CGNL1: variants seen among roughly 807,000 people sequenced by gnomAD.
The protein encoded by CGNL1 is cingulin-like protein 1.
Under a neutral mutation model 141.2 loss-of-function variants are expected in CGNL1, and 132 were observed. The observed-to-expected ratio is 0.93, with a 90% CI of 0.81 to 1.08. The LOEUF (loss-of-function observed/expected upper bound fraction) is 1.08, where lower values mean the gene tolerates loss of function less well. Among genes scored for constraint, CGNL1 ranks in the 50% least tolerant of loss-of-function variants. CGNL1 has a pLI of 0.00. For missense variants in CGNL1, 1,870 were observed against 1,588.6 expected (o/e 1.18, Z -3.01); for synonymous variants, 690 against 622.1 (o/e 1.11, Z -1.63).
intron 1 of CGNL1, among the ~76,000 whole-genome samples, chr15:57,434,937 C>T (rs1271448732): frequency 6.6e-6 from 1 of 151,924 alleles, no homozygotes; most frequent in African/African-American, 2.4e-5. Flanking sequence ...ACATGAAACC[C>T]AGAAAATAAT....
rs139527247 is a variant in CGNL1, at chr15:57,518,391, A to G, written c.2611-2A>G. The G allele has an allele frequency of 1.9e-6, 3 of 1,609,898 alleles. No individual in the cohort carries two copies. Among genetic ancestry groups the G allele is most frequent in the Non-Finnish European group, 1.7e-6 (2 of 1,176,860 alleles). Reference sequence around the variant, plus strand: ...GCACACTGACCCAGTGTTTCATTGTAGGGAGAAATACGACAGTTAGAGGAG... The same window carrying G: ...GCACACTGACCCAGTGTTTCATTGTGGGGAGAAATACGACAGTTAGAGGAG... On this transcript the variant is annotated splice_acceptor_variant, in intron 9 of 18. Coordinates refer to ENST00000281282, the MANE Select transcript of CGNL1 (RefSeq NM_032866.5). LOFTEE classifies it high-confidence loss of function.
chr15:57,483,307 A>G (rs1207354028), intron 8 of CGNL1, among the ~76,000 whole-genome samples: 2 of 152,218 alleles, frequency 1.3e-5, no homozygotes, highest in African/African-American at 4.8e-5. Context: ...CTAAGGGTTT[A>G]ATGTTTTTGA....
intron 8 of CGNL1, among the ~76,000 whole-genome samples, chr15:57,496,455 A>G (rs76501864): frequency 0.13 from 19,722 of 152,124 alleles, 1,608 homozygotes; most frequent in Admixed American, 0.2. Context: ...GAGAATCTGT[A>G]GTAACTAATG....
At chr15:57,509,475 G>C (rs2030033977) in intron 8 of CGNL1, among the ~76,000 whole-genome samples, 2 of 152,238 alleles carry the variant, frequency 1.3e-5, no homozygotes, top group Non-Finnish European at 2.9e-5. Context: ...TTGTCCATCA[G>C]GAGCGAGCCT....
chr15:57,457,429 T>A (rs1185556459), intron 7 of CGNL1, among the ~76,000 whole-genome samples: 3 of 152,214 alleles, frequency 2.0e-5, no homozygotes, highest in Non-Finnish European at 4.4e-5. Flanking sequence ...TGGTTGCTTT[T>A]CTTTGCTTTA....
chr15:57,442,998 A>G (rs1190071182), intron 4 of CGNL1, among the ~76,000 whole-genome samples: 4 of 152,210 alleles, frequency 2.6e-5, no homozygotes, highest in Non-Finnish European at 4.4e-5. Flanking sequence ...ATACAAACAG[A>G]TGGCGAGATT....
chr15:57,415,797 G>C (rs1255012251), intron 1 of CGNL1, among the ~76,000 whole-genome samples: 1 of 152,210 alleles, frequency 6.6e-6, no homozygotes, highest in Admixed American at 6.5e-5. Context: ...AGCTGATGAT[G>C]CCTTTCAGAA....
chr15:57,420,497 C>T (rs1003249606), intron 1 of CGNL1, among the ~76,000 whole-genome samples: 2 of 152,210 alleles, frequency 1.3e-5, no homozygotes, highest in Non-Finnish European at 2.9e-5. Flanking sequence ...CAGCAGTAAG[C>T]AGACTCCCAC....
At chr15:57,534,995 C>CA (rs56143972) in intron 14 of CGNL1, among the ~76,000 whole-genome samples, 22,694 of 152,126 alleles carry the variant, frequency 0.15, 2,100 homozygotes, top group East Asian at 0.45. Context: ...GAATAAGCCA[C>CA]AAAAAAGGTT....
intron 8 of CGNL1, among the ~76,000 whole-genome samples, chr15:57,512,381 A>G (rs1171339727): frequency 1.3e-5 from 2 of 152,186 alleles, no homozygotes; most frequent in Admixed American, 6.5e-5. Flanking sequence ...TGAGCTGGCC[A>G]TGTGGGGGTG....
chr15:57,381,903 C>G (rs2062429312), intron 1 of CGNL1, among the ~76,000 whole-genome samples: 1 of 152,198 alleles, frequency 6.6e-6, no homozygotes, highest in African/African-American at 2.4e-5. Flanking sequence ...TGCTGCTTTT[C>G]TAGGTGTCTT....
intron 12 of CGNL1, among the ~76,000 whole-genome samples, chr15:57,527,933 C>T (rs1048244265): frequency 6.6e-6 from 1 of 152,160 alleles, no homozygotes; most frequent in Non-Finnish European, 1.5e-5. Context: ...AAGGGGCTCT[C>T]GAGAGGTTTT....
chr15:57,496,714 A>T (rs1241797852), intron 8 of CGNL1, among the ~76,000 whole-genome samples: 1 of 152,102 alleles, frequency 6.6e-6, no homozygotes, highest in Non-Finnish European at 1.5e-5. Flanking sequence ...CTGGAGTCAG[A>T]CTCACATGGA....
intron 8 of CGNL1, among the ~76,000 whole-genome samples, chr15:57,482,789 CT>C (rs139979065): frequency 7.9e-4 from 115 of 145,872 alleles, no homozygotes; most frequent in Admixed American, 8.2e-4. Flanking sequence ...TCTTTTCTCT[CT>C]TTTTTTTTTT....
chr15:57,432,704 T>C (rs2063059725), intron 1 of CGNL1, among the ~76,000 whole-genome samples: 1 of 152,240 alleles, frequency 6.6e-6, no homozygotes, highest in African/African-American at 2.4e-5. Context: ...CCTAAATTCA[T>C]TAATTAATTC....
chr15:57,546,196 G>C lies in CGNL1; in HGVS notation c.3730G>C (p.Glu1244Gln), dbSNP rs139671404. Residue 1244 changes from glutamate (E) to glutamine (Q), a missense_variant, in exon 18 of 19, where the codon GAG (glutamate) becomes CAG (glutamine). Coordinates refer to ENST00000281282, the MANE Select transcript of CGNL1 (RefSeq NM_032866.5). The stretch of plus-strand genomic sequence containing the variant: ...GCTGGAGGAGCAGATGGACATGAAT[G>C]AGCATCTGCAGGGGCAGCTCAACTC... Reference protein sequence around the residue: ...RELEEQMDMNEHLQGQLNSMK... With the variant: ...RELEEQMDMNQHLQGQLNSMK... 2 of 1,604,632 alleles carry C rather than the reference G, an allele frequency of 1.2e-6. No individual in the cohort carries two copies. The highest frequency in any genetic ancestry group is 2.7e-5 in the African/African-American group (2 of 74,870).
intron 8 of CGNL1, among the ~76,000 whole-genome samples, chr15:57,511,647 C>T (rs1348148198): frequency 6.6e-6 from 1 of 152,182 alleles, no homozygotes; most frequent in Non-Finnish European, 1.5e-5. Context: ...TTTGATGTGG[C>T]TGCCTCATAG....
chr15:57,440,602 T>G, intron 3 of CGNL1, 131 bp downstream of exon 3: 6 of 687,794 alleles, frequency 8.7e-6, no homozygotes, highest in Non-Finnish European at 1.3e-5. Context: ...TAAAACTCAA[T>G]GGCTGGGGTT....
chr15:57,522,172 C>A (rs899348407), intron 10 of CGNL1, among the ~76,000 whole-genome samples: 5 of 152,204 alleles, frequency 3.3e-5, no homozygotes, highest in Non-Finnish European at 4.4e-5. Flanking sequence ...TTTTCCCCAG[C>A]AGCTTTTGTT....
Sources: gnomAD v4.1 joint callset for allele counts (sites outside exome capture counted in the v4.1 genomes callset) on GRCh38, gnomAD v4.1.1 for gene constraint, MANE v1.5 for transcripts, NCBI Gene and HGNC (gene_info 2026-07-23, HGNC 2026-07-21) for gene names.